Variants in UBAP1 observed in about 807,000 individuals in gnomAD.
The protein encoded by UBAP1 is ubiquitin associated protein 1.
Under a neutral mutation model 39.0 loss-of-function variants are expected in UBAP1, and 5 were observed. The observed-to-expected ratio is 0.13, with a 90% CI of 0.07 to 0.27. The LOEUF (loss-of-function observed/expected upper bound fraction) is 0.27, where lower values mean the gene tolerates loss of function less well. Among genes scored for constraint, UBAP1 ranks in the 10% least tolerant of loss-of-function variants. The probability of loss-of-function intolerance (pLI) is 1.00; values close to 1 mark genes in which losing one functional copy is unlikely to be tolerated. For missense variants in UBAP1, 490 were observed against 608.1 expected, an observed-to-expected ratio of 0.81 and a Z score of 2.04; for synonymous variants, 211 against 225.1, an observed-to-expected ratio of 0.94 and a Z score of 0.56.
intron 2 of UBAP1, among the ~76,000 whole-genome samples, chr9:34,226,113 G>GTGTGTGTGTGTGTGTGTGTGTGTT (rs1563911102): frequency 8.1e-4 from 72 of 89,352 alleles, no homozygotes; most frequent in African/African-American, 2.3e-3. Flanking sequence ...TATTGTGTGT[G>GTGTGTGTGTGTGTGTGTGTGTGTT]TGTGTGTGTG....
At chr9:34,248,285 C>T (rs190301616) in intron 4 of UBAP1, among the ~76,000 whole-genome samples, 76 of 152,158 alleles carry the variant, frequency 5.0e-4, no homozygotes, top group African/African-American at 1.7e-3. Flanking sequence ...CCACCTGCCT[C>T]GGCCTCCCAA....
intron 2 of UBAP1, among the ~76,000 whole-genome samples, chr9:34,231,369 C>T (rs1045646774): frequency 2.6e-5 from 4 of 151,152 alleles, no homozygotes; most frequent in African/African-American, 9.7e-5. Flanking sequence ...CATGTGCCAC[C>T]ATGTCTGGCT....
chr9:34,197,221 C>CGTGTGCCT (rs1430494179), intron 1 of UBAP1, among the ~76,000 whole-genome samples: 23 of 150,332 alleles, frequency 1.5e-4, no homozygotes, highest in African/African-American at 5.6e-4. Context: ...CCACTGTGCC[C>CGTGTGCCT]GGCCAGTTAT....
intron 2 of UBAP1, among the ~76,000 whole-genome samples, chr9:34,223,202 G>A (rs1307618217): frequency 6.6e-5 from 10 of 152,002 alleles, no homozygotes; most frequent in Non-Finnish European, 1.2e-4. Context: ...AGGCCGAGGC[G>A]GGCGGATCAC....
At chr9:34,233,279 T>G (rs2131605981) in intron 2 of UBAP1, among the ~76,000 whole-genome samples, 1 of 150,468 alleles carries the variant, frequency 6.6e-6, no homozygotes, top group African/African-American at 2.4e-5. Flanking sequence ...TGGAGTGCAG[T>G]GGCGCGATCT....
At position 34,188,985 on chromosome 9, in the gene UBAP1, G is replaced by A. The variant is rs1830566705; in HGVS notation, c.-8+9745G>A. On this transcript the variant is annotated intron_variant, in intron 1 of 6. Coordinates refer to ENST00000297661, the MANE Select transcript of UBAP1 (RefSeq NM_016525.5). ...AAAAATAAAAAATAAAAAAGATTAG[G>A]CTGGCTTTGCCTGTCTTTTGCTTCA... 2.0e-5 allele frequency among the ~76,000 whole-genome samples: 3 copies of A among 151,924 alleles called. No individual in the cohort carries two copies. In the South Asian group the frequency reaches 6.2e-4, roughly 32 times the overall value.
chr9:34,194,201 GTTTA>G (rs1830891980), intron 1 of UBAP1, among the ~76,000 whole-genome samples: 1 of 151,910 alleles, frequency 6.6e-6, no homozygotes, highest in Non-Finnish European at 1.5e-5. Flanking sequence ...GTAAAGTTAG[GTTTA>G]TTTGTTTCAT....
intron 1 of UBAP1, among the ~76,000 whole-genome samples, chr9:34,183,664 G>A (rs1015071359): frequency 6.6e-6 from 1 of 151,078 alleles, no homozygotes; most frequent in African/African-American, 2.4e-5. Context: ...TTCCCACACA[G>A]AATGGGAATC....
In UBAP1 at chr9:34,250,775, T is replaced by G; in HGVS notation, c.1368+16T>G. On this transcript the variant is annotated intron_variant, in intron 6 of 6. Coordinates refer to ENST00000297661, the MANE Select transcript of UBAP1 (RefSeq NM_016525.5). ...AGAAGAAAAGGTGGGAATCTTCATGTTTCTTGGGAACCCTCTGGAAAAGGA... is the reference window on the plus strand; with the variant it reads ...AGAAGAAAAGGTGGGAATCTTCATGGTTCTTGGGAACCCTCTGGAAAAGGA... 1 of 1,605,276 alleles carries G rather than the reference T, an allele frequency of 6.2e-7. No individual in the cohort carries two copies. Among genetic ancestry groups the G allele is most frequent in the Non-Finnish European group, 8.5e-7 (1 of 1,172,352 alleles).
chr9:34,226,119 G>GTGTGTGTGTGTGTGTT (rs1554650787), intron 2 of UBAP1, among the ~76,000 whole-genome samples: 10 of 97,456 alleles, frequency 1.0e-4, no homozygotes, highest in African/African-American at 1.9e-4. Context: ...GTGTGTGTGT[G>GTGTGTGTGTGTGTGTT]TGTGTGTGTG....
intron 1 of UBAP1, among the ~76,000 whole-genome samples, chr9:34,193,226 G>A (rs996052966): frequency 2.6e-5 from 4 of 152,038 alleles, no homozygotes; most frequent in Non-Finnish European, 4.4e-5. Flanking sequence ...CAGGAGGATC[G>A]CTTGAACCCA....
chr9:34,230,751 T>A, intron 2 of UBAP1, among the ~76,000 whole-genome samples: 1 of 152,198 alleles, frequency 6.6e-6, no homozygotes, highest in Non-Finnish European at 1.5e-5. Flanking sequence ...GGGGATGACA[T>A]CTGTCTGGTA....
chr9:34,179,100 T>C lies in UBAP1; in HGVS notation c.-148T>C. On this transcript the variant is annotated 5_prime_UTR_variant, in exon 1 of 7. Transcript: ENST00000297661. Reference sequence around the variant, plus strand: ...ACTGGCGGTGGCTACGGTGACGGCCTGGCCCGGAGCGGGCAGAGTTGGAGG... The same window carrying C: ...ACTGGCGGTGGCTACGGTGACGGCCCGGCCCGGAGCGGGCAGAGTTGGAGG... 2 of 1,278,888 alleles carry C rather than the reference T, an allele frequency of 1.6e-6. No individual in the cohort carries two copies. The highest frequency in any genetic ancestry group is 3.8e-5 in the Admixed American group (1 of 26,202). The allele number at this position is 1,278,888 out of a possible 1,614,324, so 79.2% of individuals were successfully genotyped here. A position where few individuals can be genotyped will look rare whatever the true frequency, so the allele number is the denominator to read the frequency against.
At chr9:34,239,039 TA>T in intron 3 of UBAP1, among the ~76,000 whole-genome samples, 1 of 152,248 alleles carries the variant, frequency 6.6e-6, no homozygotes, top group East Asian at 1.9e-4. Flanking sequence ...TTTTGTTCTC[TA>T]ATGCACAAAG....
At chr9:34,214,919 C>T (rs1485445950) in intron 1 of UBAP1, among the ~76,000 whole-genome samples, 2 of 152,128 alleles carry the variant, frequency 1.3e-5, no homozygotes, top group African/African-American at 4.8e-5. Context: ...ATCAAAACCA[C>T]AATGTGATAC....
At chr9:34,247,022 AAAT>A (rs1259868532) in intron 4 of UBAP1, among the ~76,000 whole-genome samples, 2 of 152,204 alleles carry the variant, frequency 1.3e-5, no homozygotes, top group African/African-American at 2.4e-5. Context: ...TTTATTGAAA[AAAT>A]AATGACAAAT....
intron 1 of UBAP1, among the ~76,000 whole-genome samples, chr9:34,205,677 A>G (rs1490839235): frequency 6.6e-6 from 1 of 152,132 alleles, no homozygotes; most frequent in Non-Finnish European, 1.5e-5. Flanking sequence ...CCCATTTTGG[A>G]ATTAGCTGCA....
chr9:34,252,023 C>G lies in UBAP1; in HGVS notation c.*491C>G, dbSNP rs1176966033. 6.4e-6 allele frequency: 1 copy of G among 155,728 alleles called. No individual in the cohort carries two copies. The highest frequency in any genetic ancestry group is 1.4e-5 in the Non-Finnish European group (1 of 69,970). 9.6% of individuals were successfully genotyped at this position (155,728 alleles called of 1,614,324 possible). A position where few individuals can be genotyped will look rare whatever the true frequency, so the allele number is the denominator to read the frequency against. Reference sequence around the variant, plus strand: ...AGGGTTTTATTTTTTCCCCTCCTAACAAAGTCTCATAGTGTTAACACTGGT... The same window carrying G: ...AGGGTTTTATTTTTTCCCCTCCTAAGAAAGTCTCATAGTGTTAACACTGGT... On this transcript the variant is annotated 3_prime_UTR_variant, in exon 7 of 7. Transcript: ENST00000297661.
chr9:34,184,926 CTT>C (rs35634769), intron 1 of UBAP1, among the ~76,000 whole-genome samples: 9 of 105,108 alleles, frequency 8.6e-5, no homozygotes, highest in African/African-American at 2.7e-4. Flanking sequence ...CCAGCCAATC[CTT>C]TTTTTTTTTT....
Sources: gnomAD v4.1 joint callset for allele counts (sites outside exome capture counted in the v4.1 genomes callset) on GRCh38, gnomAD v4.1.1 for gene constraint, MANE v1.5 for transcripts, NCBI Gene and HGNC (gene_info 2026-07-23, HGNC 2026-07-21) for gene names.